TBX15: variants seen among roughly 807,000 people sequenced by gnomAD.
The protein encoded by TBX15 is T-box transcription factor 15, also known as T-box transcription factor TBX15.
A neutral mutation model predicts 53.9 loss-of-function variants in TBX15; 18 were observed. The ratio of observed to expected loss-of-function variants is 0.33; its 90% CI spans 0.23 to 0.49. TBX15 has a LOEUF of 0.49. Among genes scored for constraint, TBX15 ranks in the 20% least tolerant of loss-of-function variants. The pLI is 0.98. For synonymous variants in TBX15, 295 were observed against 278.0 expected, an observed-to-expected ratio of 1.06 and a Z score of -0.61; for missense variants, 692 against 749.5, an observed-to-expected ratio of 0.92 and a Z score of 0.90.
chr1:118,984,755 G>A (rs1294891971), intron 1 of TBX15, among the ~76,000 whole-genome samples: 1 of 152,138 alleles, frequency 6.6e-6, no homozygotes. Context: ...GGGGTTTTTC[G>A]GGGCCACCAG....
In TBX15 at chr1:118,885,354, A is replaced by C; in HGVS notation, c.1187T>G (p.Leu396Arg). The change falls in exon 8 of 8, where the codon CTC becomes CGC. Residue 396 changes from leucine (L) to arginine (R), a missense_variant. By Grantham distance (102) the Leu-to-Arg change is moderately radical. Around this residue, in one of 3 missense-constraint regions of TBX15, gnomAD observed 375 missense variants for 371.6 expected, o/e 1.01. Transcript: ENST00000369429. The stretch of plus-strand genomic sequence containing the variant: ...TCGGGCACATGGTGGATAATCAGAG[A>C]GGTTTAGATTACACAGCTGGCTTTC... ...CRESQLCNLN[L>R]SDYPPCARSN... The C allele has an allele frequency of 6.2e-7, 1 of 1,614,008 alleles. No individual in the cohort carries two copies. Among genetic ancestry groups the C allele is most frequent in the Non-Finnish European group, 8.5e-7 (1 of 1,180,028 alleles).
At chr1:118,904,953 T>TAA (rs1045227767) in intron 6 of TBX15, among the ~76,000 whole-genome samples, 7 of 152,174 alleles carry the variant, frequency 4.6e-5, no homozygotes, top group African/African-American at 1.7e-4. Context: ...AAAATGGAGA[T>TAA]AATCATAATA....
At chr1:118,908,196 T>C (rs1253088138) in intron 6 of TBX15, among the ~76,000 whole-genome samples, 1 of 152,148 alleles carries the variant, frequency 6.6e-6, no homozygotes, top group African/African-American at 2.4e-5. Flanking sequence ...TTAATTTCTG[T>C]GCCATTCATC....
At chr1:118,958,186 A>T (rs1656754894) in intron 1 of TBX15, among the ~76,000 whole-genome samples, 1 of 152,236 alleles carries the variant, frequency 6.6e-6, no homozygotes, top group Non-Finnish European at 1.5e-5. Context: ...AGATGAAGTC[A>T]TAAGGGTAGG....
chr1:118,977,224 T>C (rs1287170237), intron 1 of TBX15, among the ~76,000 whole-genome samples: 1 of 152,134 alleles, frequency 6.6e-6, no homozygotes, highest in Non-Finnish European at 1.5e-5. Context: ...TTGCACCAAA[T>C]AGAAATGATA....
intron 1 of TBX15, among the ~76,000 whole-genome samples, chr1:118,953,895 T>G (rs1271076523): frequency 1.3e-5 from 2 of 152,200 alleles, no homozygotes; most frequent in African/African-American, 4.8e-5. Context: ...GGCAGTGAAC[T>G]TAACGAGAAT....
intron 5 of TBX15, among the ~76,000 whole-genome samples, chr1:118,918,221 T>C (rs974965189): frequency 2.0e-5 from 3 of 152,204 alleles, no homozygotes; most frequent in African/African-American, 4.8e-5. Flanking sequence ...TAATTACACA[T>C]GTATTTTTGT....
At chr1:118,930,389 C>A (rs1308525566) in intron 2 of TBX15, among the ~76,000 whole-genome samples, 2 of 152,214 alleles carry the variant, frequency 1.3e-5, no homozygotes, top group Admixed American at 6.5e-5. Context: ...AAGCTTAGTC[C>A]AAATGTATTT....
chr1:118,894,076 A>G (rs1452774472), intron 7 of TBX15, among the ~76,000 whole-genome samples: 1 of 152,220 alleles, frequency 6.6e-6, no homozygotes, highest in Non-Finnish European at 1.5e-5. Context: ...AGATAGCACT[A>G]AGCACTAAGA....
chr1:118,899,831 G>C (rs1026829620), intron 6 of TBX15, among the ~76,000 whole-genome samples: 2 of 152,166 alleles, frequency 1.3e-5, no homozygotes, highest in Admixed American at 1.3e-4. Context: ...ATCACAAACT[G>C]TCAGAGTTCA....
rs921117934 is a variant in TBX15, at chr1:118,987,927, C to G, written c.-132G>C. On this transcript the variant is annotated 5_prime_UTR_variant, in exon 1 of 8. Coordinates refer to ENST00000369429, the MANE Select transcript of TBX15 (RefSeq NM_001330677.2). Reference sequence around the variant, plus strand: ...GCGTCGGACGAGGCTGAGACTGCGGCTCGCGGGTCTCTCCACCCTCCCCCT... The same window carrying G: ...GCGTCGGACGAGGCTGAGACTGCGGGTCGCGGGTCTCTCCACCCTCCCCCT... 1.2e-5 allele frequency: 13 copies of G among 1,117,966 alleles called. No individual in the cohort carries two copies. Among genetic ancestry groups the G allele is most frequent in the East Asian group, 1.0e-4 (4 of 38,626 alleles). The allele number at this position is 1,117,966 out of a possible 1,614,324, so 69.3% of individuals were successfully genotyped here.
chr1:118,968,323 T>C (rs1657122188), intron 1 of TBX15, among the ~76,000 whole-genome samples: 1 of 152,188 alleles, frequency 6.6e-6, no homozygotes, highest in Non-Finnish European at 1.5e-5. Context: ...CAAGTGAGTC[T>C]CCTGCCTCAG....
chr1:118,893,406 A>AAAGAAAGG (rs1279408921), intron 7 of TBX15, among the ~76,000 whole-genome samples: 25 of 119,234 alleles, frequency 2.1e-4, no homozygotes, highest in Admixed American at 1.3e-3. Context: ...AGAAAGAAAG[A>AAAGAAAGG]AAGGAAGAAG....
chr1:118,930,283 C>T (rs1655737003), intron 2 of TBX15, among the ~76,000 whole-genome samples: 1 of 152,126 alleles, frequency 6.6e-6, no homozygotes, highest in South Asian at 2.1e-4. Flanking sequence ...GATTTTTGTT[C>T]CCCATGACAT....
chr1:118,945,408 T>C (rs1000121990), intron 1 of TBX15, among the ~76,000 whole-genome samples: 33 of 152,164 alleles, frequency 2.2e-4, no homozygotes, highest in Admixed American at 1.3e-3. Context: ...GACTGATAAT[T>C]GTATAACACT....
chr1:118,982,219 A>G (rs935732207), intron 1 of TBX15, among the ~76,000 whole-genome samples: 1 of 152,186 alleles, frequency 6.6e-6, no homozygotes, highest in Non-Finnish European at 1.5e-5. Flanking sequence ...TTTAAAAAAC[A>G]AAAAACAAAG....
intron 1 of TBX15, among the ~76,000 whole-genome samples, chr1:118,970,680 G>A (rs1657208054): frequency 6.6e-6 from 1 of 152,190 alleles, no homozygotes; most frequent in African/African-American, 2.4e-5. Context: ...GGCACTCTGT[G>A]GATCTCTGCG....
At position 118,976,171 on chromosome 1, in the gene TBX15, C is replaced by T. The variant is rs1165444889; in HGVS notation, c.205+11420G>A. ...GGCTGCCAAATGTGGGTTGTCCAGC[C>T]GTAAACATGGCAAAACAGAGCTGGG... On this transcript the variant is annotated intron_variant, in intron 1 of 7. Transcript: ENST00000369429. Among the ~76,000 whole-genome samples the T allele has an allele frequency of 2.6e-5, 4 of 152,126 alleles. 1 individual carries two copies. The highest frequency in any genetic ancestry group is 5.9e-5 in the Non-Finnish European group (4 of 68,018).
At chr1:118,899,547 C>T (rs116827533) in intron 6 of TBX15, among the ~76,000 whole-genome samples, 1,653 of 152,276 alleles carry the variant, frequency 0.011, 30 homozygotes, top group African/African-American at 0.038. Context: ...CGAGAGTCAA[C>T]TCCTCACCTT....
Sources: allele counts gnomAD v4.1 joint callset (sites outside exome capture counted in the v4.1 genomes callset), GRCh38; gene constraint gnomAD v4.1.1; regional missense constraint gnomAD v4.1.1; transcripts MANE v1.5; gene names NCBI Gene and HGNC (gene_info 2026-07-23, HGNC 2026-07-21).